LIPC: variants seen among roughly 807,000 people sequenced by gnomAD.
The protein encoded by LIPC is hepatic triacylglycerol lipase.
In LIPC, 44 loss-of-function variants were observed where a neutral mutation model predicts 50.7. The ratio of observed to expected loss-of-function variants is 0.87; its 90% CI spans 0.68 to 1.11. LIPC has a LOEUF of 1.11. Among genes scored for constraint, LIPC ranks in the 50% most tolerant of loss-of-function variants. The pLI is 0.00. For synonymous variants in LIPC, 271 were observed against 256.4 expected, an observed-to-expected ratio of 1.06 and a Z score of -0.54; for missense variants, 697 against 648.2, an observed-to-expected ratio of 1.08 and a Z score of -0.82.
intron 1 of LIPC, among the ~76,000 whole-genome samples, chr15:58,472,135 G>A (rs1485491725): frequency 1.3e-5 from 2 of 151,806 alleles, no homozygotes; most frequent in Non-Finnish European, 2.9e-5. Context: ...GCCAGGCATG[G>A]TGGCACGTGC....
chr15:58,490,963 T>C, intron 1 of LIPC, among the ~76,000 whole-genome samples: 1 of 152,260 alleles, frequency 6.6e-6, no homozygotes, highest in Non-Finnish European at 1.5e-5. Context: ...AGCGAGCCCA[T>C]TAAATAGCCA....
chr15:58,569,590 T>C lies in LIPC; in HGVS notation c.*763T>C, dbSNP rs28427123. On this transcript the variant is annotated 3_prime_UTR_variant, in exon 9 of 9. Coordinates refer to ENST00000299022, the MANE Select transcript of LIPC (RefSeq NM_000236.3). ...TCATATGCTGAAATCTAATCCCCAATGTGATGGTGTTTGGAGGTGGGGCCT... is the reference window on the plus strand; with the variant it reads ...TCATATGCTGAAATCTAATCCCCAACGTGATGGTGTTTGGAGGTGGGGCCT... The C allele has an allele frequency of 0.15, 22,782 of 152,202 alleles. 2,046 individuals are homozygous for C. Among genetic ancestry groups the C allele is most frequent in the South Asian group, 0.34 (1,657 of 4,830 alleles). 9.4% of individuals were successfully genotyped at this position (152,202 alleles called of 1,614,324 possible).
intron 1 of LIPC, among the ~76,000 whole-genome samples, chr15:58,460,209 T>A (rs1427505992): frequency 6.6e-6 from 1 of 152,340 alleles, no homozygotes; most frequent in South Asian, 2.1e-4. Flanking sequence ...CATCTGTCTT[T>A]AAGGATGTTT....
At chr15:58,529,942 T>G (rs1892908113) in intron 1 of LIPC, among the ~76,000 whole-genome samples, 1 of 152,224 alleles carries the variant, frequency 6.6e-6, no homozygotes, top group Admixed American at 6.5e-5. Flanking sequence ...CAACACATCG[T>G]AAAAGATATC....
At chr15:58,535,854 A>G (rs1399401000) in intron 1 of LIPC, among the ~76,000 whole-genome samples, 1 of 152,232 alleles carries the variant, frequency 6.6e-6, no homozygotes, top group Non-Finnish European at 1.5e-5. Flanking sequence ...CCTAAAATGA[A>G]GAAAGGTGTA....
intron 3 of LIPC, 53 bp from the exon 4 acceptor site, chr15:58,542,480 AG>A: frequency 8.4e-7 from 1 of 1,194,744 alleles, no homozygotes; most frequent in Non-Finnish European, 1.3e-6. Flanking sequence ...GGACCGCAAA[AG>A]GCTTTCATCC....
At chr15:58,460,813 C>G (rs1595867576) in intron 1 of LIPC, among the ~76,000 whole-genome samples, 2 of 152,350 alleles carry the variant, frequency 1.3e-5, no homozygotes, top group East Asian at 3.9e-4. Context: ...AGACCCAGAG[C>G]TCAGGAACAG....
chr15:58,500,267 G>A (rs189083369), intron 1 of LIPC, among the ~76,000 whole-genome samples: 16 of 152,308 alleles, frequency 1.1e-4, no homozygotes, highest in Non-Finnish European at 1.9e-4. Flanking sequence ...CGTAGGTAAG[G>A]TGGGAATGGA....
At chr15:58,551,790 T>A (rs1893770594) in intron 6 of LIPC, among the ~76,000 whole-genome samples, 1 of 152,168 alleles carries the variant, frequency 6.6e-6, no homozygotes, top group Non-Finnish European at 1.5e-5. Flanking sequence ...TAGTGCAGGG[T>A]CTGGTTGGGC....
Position 58,545,822 on chromosome 15 carries a change from G to T in LIPC, c.655G>T (p.Ala219Ser). The T allele has an allele frequency of 3.7e-6, 6 of 1,614,216 alleles. No individual in the cohort carries two copies. Among genetic ancestry groups the T allele is most frequent in the Non-Finnish European group, 5.1e-6 (6 of 1,180,028 alleles). Residue 219 changes from alanine to serine, a missense_variant, in exon 5 of 9, where the codon GCC (alanine) becomes TCC (serine). Physicochemically the swap from Ala to Ser is moderately conservative, Grantham distance 99 (BLOSUM62 1). Coordinates refer to ENST00000299022, the MANE Select transcript of LIPC (RefSeq NM_000236.3). ...LSPDDANFVD[A>S]IHTFTREHMG... ...TCCAGATGATGCCAATTTTGTGGAT[G>T]CCATTCATACCTTTACCCGGGAGCA...
intron 8 of LIPC, among the ~76,000 whole-genome samples, chr15:58,567,258 T>C (rs1894401073): frequency 2.1e-5 from 1 of 47,990 alleles, no homozygotes; most frequent in Non-Finnish European, 5.0e-5. Context: ...TGTATATATA[T>C]ATGTATATGT....
chr15:58,533,848 T>G lies in LIPC; in HGVS notation c.89-4485T>G, dbSNP rs1417157738. Among the ~76,000 whole-genome samples, 7 of 152,220 alleles carry G rather than the reference T, an allele frequency of 4.6e-5. No homozygotes were observed. In the East Asian group the frequency reaches 1.2e-3, roughly 25 times the overall value. On this transcript the variant is annotated intron_variant, in intron 1 of 8. Transcript: ENST00000299022. ...GCACTTTTCAAATTATACTGAAATA[T>G]ATTTTCAGCATACATACAATGAGCA...
rs1894132358 is a variant in LIPC, at chr15:58,560,798, A to C, written c.1052-66A>C. Reference sequence around the variant, plus strand: ...GCATGTTTAAATTTTAAGAAATAAGAGATTTTTAAATTTAAAATCACTGCT... The same window carrying C: ...GCATGTTTAAATTTTAAGAAATAAGCGATTTTTAAATTTAAAATCACTGCT... On this transcript the variant is annotated intron_variant, in intron 6 of 8. Transcript: ENST00000299022. The C allele has an allele frequency of 6.7e-6, 5 of 741,568 alleles. No individual in the cohort carries two copies. The South Asian group carries it at 7.6e-5, about 11-fold the overall frequency. 45.9% of individuals were successfully genotyped at this position (741,568 alleles called of 1,614,324 possible). A position where few individuals can be genotyped will look rare whatever the true frequency, so the allele number is the denominator to read the frequency against.
Position 58,545,995 on chromosome 15 carries a change from C to T in LIPC, c.808+20C>T. Reference sequence around the variant, plus strand: ...TCAATGGTGAGAATGAAGTCATGGGCCGGGAGCACCGGCCTACATTTCAAT... The same window carrying T: ...TCAATGGTGAGAATGAAGTCATGGGTCGGGAGCACCGGCCTACATTTCAAT... On this transcript the variant is annotated intron_variant, in intron 5 of 8. Transcript: ENST00000299022. 6.4e-7 allele frequency: 1 copy of T among 1,563,310 alleles called. No homozygotes were observed. Among genetic ancestry groups the T allele is most frequent in the Non-Finnish European group, 8.8e-7 (1 of 1,133,826 alleles).
chr15:58,566,205 G>C lies in LIPC; in HGVS notation c.1388+2482G>C, dbSNP rs1429205439. The C allele has an allele frequency of 9.1e-6, 9 of 985,274 alleles. No individual in the cohort carries two copies. The Admixed American group carries it at 3.1e-4, about 34-fold the overall frequency. The allele number at this position is 985,274 out of a possible 1,614,324, so 61.0% of individuals were successfully genotyped here. On this transcript the variant is annotated intron_variant, in intron 8 of 8. Coordinates refer to ENST00000299022, the MANE Select transcript of LIPC (RefSeq NM_000236.3). ...GAGAGTCCAGCATTACACAACCCGG[G>C]AAGTGTAAGAAGAAAGTTCAGACCC...
At chr15:58,557,849 T>C (rs1894012588) in intron 6 of LIPC, among the ~76,000 whole-genome samples, 1 of 152,184 alleles carries the variant, frequency 6.6e-6, no homozygotes, top group South Asian at 2.1e-4. Flanking sequence ...CCAAGGCCAG[T>C]CCTCCCACAT....
At chr15:58,440,612 G>A (rs974427258) in intron 1 of LIPC, among the ~76,000 whole-genome samples, 1 of 152,202 alleles carries the variant, frequency 6.6e-6, no homozygotes, top group East Asian at 1.9e-4. Context: ...CCCTTATGGG[G>A]TGTGTGTGGG....
chr15:58,513,997 G>A (rs1892411372), intron 1 of LIPC, among the ~76,000 whole-genome samples: 1 of 152,194 alleles, frequency 6.6e-6, no homozygotes, highest in Admixed American at 6.5e-5. Context: ...TGACGAGCTG[G>A]TGACAGGCTG....
At chr15:58,500,128 T>C (rs1891929067) in intron 1 of LIPC, among the ~76,000 whole-genome samples, 1 of 151,996 alleles carries the variant, frequency 6.6e-6, no homozygotes, top group Non-Finnish European at 1.5e-5. Flanking sequence ...GTCCCTCAGA[T>C]GGTGAGGTTT....
Sources: gnomAD v4.1 joint callset for allele counts (sites outside exome capture counted in the v4.1 genomes callset) on GRCh38, gnomAD v4.1.1 for gene constraint, MANE v1.5 for transcripts, NCBI Gene and HGNC (gene_info 2026-07-23, HGNC 2026-07-21) for gene names.